Variants in CDH4 observed in about 807,000 individuals in gnomAD.
The protein encoded by CDH4 is cadherin-4.
In CDH4, 33 loss-of-function variants were observed where a neutral mutation model predicts 86.0. That is an observed-to-expected ratio of 0.38 (90% CI 0.29 to 0.51). The LOEUF (loss-of-function observed/expected upper bound fraction) is 0.51, where lower values mean the gene tolerates loss of function less well. CDH4 is among the 20% of genes least tolerant of loss of function. The probability of loss-of-function intolerance (pLI) is 0.86; values close to 1 mark genes in which losing one functional copy is unlikely to be tolerated. For synonymous variants in CDH4, 555 were observed against 549.4 expected (o/e 1.01, Z -0.14); for missense variants, 1,114 against 1,307.4 (o/e 0.85, Z 2.28).
At chr20:61,399,728 A>G (rs1265048148) in intron 2 of CDH4, among the ~76,000 whole-genome samples, 1 of 152,160 alleles carries the variant, frequency 6.6e-6, no homozygotes, top group East Asian at 1.9e-4. Flanking sequence ...GTTCCCTTTC[A>G]GTGTTTTTTC....
At chr20:61,661,026 G>C (rs980150356) in intron 2 of CDH4, among the ~76,000 whole-genome samples, 1 of 147,172 alleles carries the variant, frequency 6.8e-6, no homozygotes, top group Admixed American at 7.1e-5. Flanking sequence ...GGCTTTAACA[G>C]GATCATTGCC....
At chr20:61,280,927 C>T (rs1215420279) in intron 2 of CDH4, among the ~76,000 whole-genome samples, 1 of 152,232 alleles carries the variant, frequency 6.6e-6, no homozygotes, top group Non-Finnish European at 1.5e-5. Context: ...CTGCCTGCTG[C>T]GTTCCTCTTT....
chr20:61,331,375 CCT>C (rs1430349498), intron 2 of CDH4, among the ~76,000 whole-genome samples: 1 of 152,066 alleles, frequency 6.6e-6, no homozygotes, highest in Non-Finnish European at 1.5e-5. Context: ...GCTTGCTTAG[CCT>C]CTGTGTCCAG....
chr20:61,419,307 G>T (rs552121466), intron 2 of CDH4, among the ~76,000 whole-genome samples: 1 of 152,124 alleles, frequency 6.6e-6, no homozygotes, highest in African/African-American at 2.4e-5. Flanking sequence ...ATCGTACCCC[G>T]ACAAATACAT....
rs909270938 is a variant in CDH4 at position 61,712,037 on chromosome 20, AGGAGAGAGGGAGGCT to A, written c.170-31516_170-31502del. Among the ~76,000 whole-genome samples the A allele has an allele frequency of 1.8e-3, 281 of 152,228 alleles. 1 individual carries two copies. Among genetic ancestry groups the A allele is most frequent in the African/African-American group, 6.5e-3 (268 of 41,506 alleles). ...CCCAGGGGGTTGAGCAGCCTTGGCC[AGGAGAGAGGGAGGCT>A]GGAGAGAGGCTTGGAGGGAGACTGG... On this transcript the variant is annotated intron_variant, in intron 2 of 15. Coordinates refer to ENST00000614565, the MANE Select transcript of CDH4 (RefSeq NM_001794.5).
intron 7 of CDH4, among the ~76,000 whole-genome samples, chr20:61,884,805 G>C (rs1002588537): frequency 2.6e-5 from 4 of 152,190 alleles, no homozygotes; most frequent in African/African-American, 7.2e-5. Flanking sequence ...GGGCTGAGGG[G>C]TTTGGAGGAA....
intron 2 of CDH4, among the ~76,000 whole-genome samples, chr20:61,617,886 T>C (rs1470954184): frequency 6.6e-6 from 1 of 152,106 alleles, no homozygotes; most frequent in Non-Finnish European, 1.5e-5. Flanking sequence ...TGGGAGGTAA[T>C]TGAATCATGG....
At chr20:61,909,891 T>C (rs1375594721) in intron 8 of CDH4, among the ~76,000 whole-genome samples, 1 of 152,044 alleles carries the variant, frequency 6.6e-6, no homozygotes, top group African/African-American at 2.4e-5. Context: ...CTGGAAGGGG[T>C]CTGGGGTGGG....
intron 4 of CDH4, among the ~76,000 whole-genome samples, chr20:61,840,569 C>T (rs1005023701): frequency 6.6e-6 from 1 of 152,236 alleles, no homozygotes; most frequent in African/African-American, 2.4e-5. Flanking sequence ...AACCTTTCAC[C>T]ATCTGTTCTG....
chr20:61,770,702 T>C (rs6061818), intron 3 of CDH4, among the ~76,000 whole-genome samples: 2,209 of 152,112 alleles, frequency 0.015, 68 homozygotes, highest in African/African-American at 0.05. Context: ...GCTAACACGG[T>C]AAAACCCCGT....
At position 61,517,167 on chromosome 20, in the gene CDH4, C is replaced by G. The variant is rs946710181; in HGVS notation, c.170-226396C>G. Among the ~76,000 whole-genome samples, 1 of 152,168 alleles carries G rather than the reference C, an allele frequency of 6.6e-6. No homozygotes were observed. Among genetic ancestry groups the G allele is most frequent in the South Asian group, 2.1e-4 (1 of 4,822 alleles). On this transcript the variant is annotated intron_variant, in intron 2 of 15. Transcript: ENST00000614565. The surrounding 1 kb of genome is among the most constrained non-coding windows in gnomAD (Gnocchi z 6.6). ...CTGTATTCCAACTTTCTAGATGTTG[C>G]CTGACTTTGAACTTCGGGTAAATGG... is the stretch of plus-strand genomic sequence containing the variant.
intron 2 of CDH4, among the ~76,000 whole-genome samples, chr20:61,705,972 G>A (rs1481792050): frequency 6.6e-6 from 1 of 152,214 alleles, no homozygotes; most frequent in Non-Finnish European, 1.5e-5. Context: ...TCTCTTAAAG[G>A]CGCCTGTGGA....
At chr20:61,727,095 C>A (rs2145920785) in intron 2 of CDH4, among the ~76,000 whole-genome samples, 1 of 152,152 alleles carries the variant, frequency 6.6e-6, no homozygotes, top group African/African-American at 2.4e-5. Context: ...TCATCATCAC[C>A]ATTGGAGCCA....
At chr20:61,362,547 G>A (rs1389846928) in intron 2 of CDH4, among the ~76,000 whole-genome samples, 1 of 151,978 alleles carries the variant, frequency 6.6e-6, no homozygotes, top group East Asian at 1.9e-4. Context: ...GGGGAGAGCG[G>A]AGACATGGCC....
chr20:61,429,881 C>T (rs963005142), intron 2 of CDH4, among the ~76,000 whole-genome samples: 1 of 152,194 alleles, frequency 6.6e-6, no homozygotes, highest in Admixed American at 6.5e-5. Flanking sequence ...AAAAGCGCTA[C>T]ATCTGTAGCC....
At chr20:61,743,995 C>A (rs2088378536) in intron 3 of CDH4, among the ~76,000 whole-genome samples, 1 of 152,248 alleles carries the variant, frequency 6.6e-6, no homozygotes, top group Admixed American at 6.5e-5. Context: ...GCCCCCTGGG[C>A]AGGCACACAG....
intron 2 of CDH4, among the ~76,000 whole-genome samples, chr20:61,650,036 C>T (rs2087105313): frequency 6.6e-6 from 1 of 152,214 alleles, no homozygotes; most frequent in Non-Finnish European, 1.5e-5. Context: ...CTCTCCTGGG[C>T]ACATTTCCTA....
At chr20:61,762,807 A>G (rs867176591) in intron 3 of CDH4, among the ~76,000 whole-genome samples, 11 of 152,236 alleles carry the variant, frequency 7.2e-5, no homozygotes, top group South Asian at 2.1e-4. Context: ...GACCTCCCCA[A>G]AGAGCCACTT....
chr20:61,827,231 A>G (rs1233209381), intron 4 of CDH4, among the ~76,000 whole-genome samples: 1 of 152,228 alleles, frequency 6.6e-6, no homozygotes, highest in Non-Finnish European at 1.5e-5. Flanking sequence ...GCGTCCGTCT[A>G]TCAAGTTGGT....
Sources: gnomAD v4.1 joint callset for allele counts (sites outside exome capture counted in the v4.1 genomes callset) on GRCh38, gnomAD v4.1.1 for gene constraint, Gnocchi (gnomAD v3.1) non-coding constraint, MANE v1.5 for transcripts, NCBI Gene and HGNC (gene_info 2026-07-23, HGNC 2026-07-21) for gene names.